Variants in SLC39A11 observed in about 807,000 individuals in gnomAD.
The protein encoded by SLC39A11 is solute carrier family 39 member 11, also known as zinc transporter ZIP11.
SLC39A11 carries 33 observed loss-of-function variants against 36.1 expected under a neutral mutation model. The observed-to-expected ratio is 0.91, with a 90% CI of 0.69 to 1.22. The LOEUF (loss-of-function observed/expected upper bound fraction) is 1.22. SLC39A11 is among the 50% of genes most tolerant of loss of function. The pLI is 0.00. For synonymous variants in SLC39A11, 166 were observed against 170.3 expected (o/e 0.97, Z 0.20); for missense variants, 432 against 430.3 (o/e 1.00, Z -0.03).
intron 7 of SLC39A11, among the ~76,000 whole-genome samples, chr17:72,680,512 CCA>C (rs1282539554): frequency 6.6e-6 from 1 of 152,166 alleles, no homozygotes; most frequent in Non-Finnish European, 1.5e-5. Flanking sequence ...GGCAGTTTCC[CCA>C]CACACACTCT....
chr17:72,856,372 A>G (rs1214462646), intron 5 of SLC39A11, among the ~76,000 whole-genome samples: 1 of 152,246 alleles, frequency 6.6e-6, no homozygotes, highest in Non-Finnish European at 1.5e-5. Flanking sequence ...CCTGCTGCCC[A>G]AATGAGGCCT....
chr17:73,018,371 A>G (rs1194796355), intron 4 of SLC39A11, among the ~76,000 whole-genome samples: 2 of 152,164 alleles, frequency 1.3e-5, no homozygotes, highest in Non-Finnish European at 2.9e-5. Flanking sequence ...CAACATGGAA[A>G]AACCCTATCT....
At chr17:72,984,061 C>G (rs2088531457) in intron 4 of SLC39A11, among the ~76,000 whole-genome samples, 1 of 152,140 alleles carries the variant, frequency 6.6e-6, no homozygotes, top group African/African-American at 2.4e-5. Context: ...TCAGGTTTCT[C>G]ATGGCTCAGA....
chr17:72,907,881 C>T (rs552736121), intron 5 of SLC39A11, among the ~76,000 whole-genome samples: 5 of 152,256 alleles, frequency 3.3e-5, no homozygotes, highest in South Asian at 2.1e-4. Flanking sequence ...CAAAGCGGGG[C>T]GTAGGGGAGA....
At position 72,972,002 on chromosome 17, in the gene SLC39A11, A is replaced by C. The variant is rs1264883146; in HGVS notation, c.307-24127T>G. Among the ~76,000 whole-genome samples the C allele has an allele frequency of 2.6e-5, 4 of 152,218 alleles. No homozygotes were observed. The East Asian group carries it at 7.7e-4, about 29-fold the overall frequency. ...ACACCTGGCATGTAATAAGCCCTCA[A>C]TTAATATGAACTGTGATCATCACCA... On this transcript the variant is annotated intron_variant, in intron 4 of 9. Coordinates refer to ENST00000255559, the MANE Select transcript of SLC39A11 (RefSeq NM_139177.4).
intron 4 of SLC39A11, among the ~76,000 whole-genome samples, chr17:72,948,285 C>A (rs2085577977): frequency 6.7e-6 from 1 of 148,882 alleles, no homozygotes; most frequent in African/African-American, 2.5e-5. Flanking sequence ...CATACCAAAC[C>A]CCACTGCAAG....
chr17:72,697,157 G>A (rs1040301083), intron 7 of SLC39A11, among the ~76,000 whole-genome samples: 2 of 152,078 alleles, frequency 1.3e-5, no homozygotes, highest in East Asian at 1.9e-4. Flanking sequence ...ATCACAGCTC[G>A]CTGCAACCTG....
intron 3 of SLC39A11, among the ~76,000 whole-genome samples, chr17:73,069,314 C>G (rs2060090659): frequency 6.6e-6 from 1 of 152,218 alleles, no homozygotes; most frequent in Non-Finnish European, 1.5e-5. Context: ...GCAAATGTGA[C>G]TTCTCTCCCC....
intron 5 of SLC39A11, among the ~76,000 whole-genome samples, chr17:72,919,680 AAAAAAG>A (rs2083538196): frequency 6.8e-6 from 1 of 146,200 alleles, no homozygotes; most frequent in Admixed American, 6.9e-5. Context: ...AAAAAAAAAA[AAAAAAG>A]AAAAAAAGAA....
intron 5 of SLC39A11, among the ~76,000 whole-genome samples, chr17:72,921,103 G>A (rs1001008533): frequency 6.6e-6 from 1 of 152,132 alleles, no homozygotes; most frequent in African/African-American, 2.4e-5. Context: ...AATGTGCAGT[G>A]CCTAGAATGT....
chr17:72,694,287 C>G (rs1055890932), intron 7 of SLC39A11, among the ~76,000 whole-genome samples: 1 of 152,202 alleles, frequency 6.6e-6, no homozygotes, highest in African/African-American at 2.4e-5. Context: ...AAATGAAAAC[C>G]AAAGATGGTG....
At chr17:72,899,441 T>G (rs2082204810) in intron 5 of SLC39A11, among the ~76,000 whole-genome samples, 1 of 152,132 alleles carries the variant, frequency 6.6e-6, no homozygotes, top group Non-Finnish European at 1.5e-5. Context: ...TCATCATCAT[T>G]TGAAGTGGGG....
chr17:72,897,065 AAAAAAAC>A (rs1199824866), intron 5 of SLC39A11, among the ~76,000 whole-genome samples: 135 of 150,798 alleles, frequency 9.0e-4, no homozygotes, highest in Non-Finnish European at 1.7e-3. Flanking sequence ...AAAAAAAAAA[AAAAAAAC>A]AAACAGAAAA....
At chr17:72,801,677 T>C (rs2077088695) in intron 6 of SLC39A11, among the ~76,000 whole-genome samples, 1 of 152,260 alleles carries the variant, frequency 6.6e-6, no homozygotes, top group African/African-American at 2.4e-5. Context: ...ATGTATATTG[T>C]CTTCAGGATG....
chr17:72,694,178 C>T (rs2072175563), intron 7 of SLC39A11, among the ~76,000 whole-genome samples: 1 of 151,898 alleles, frequency 6.6e-6, no homozygotes, highest in African/African-American at 2.4e-5. Flanking sequence ...CAGGGTGGCC[C>T]GAGCCCTCTC....
At chr17:72,902,989 G>T (rs180851555) in intron 5 of SLC39A11, among the ~76,000 whole-genome samples, 2 of 152,012 alleles carry the variant, frequency 1.3e-5, no homozygotes, top group South Asian at 2.1e-4. Flanking sequence ...GAAATAGGCC[G>T]GGCTCGGCGG....
intron 4 of SLC39A11, among the ~76,000 whole-genome samples, chr17:72,953,423 G>A (rs1053254487): frequency 6.6e-6 from 1 of 152,158 alleles, no homozygotes; most frequent in Non-Finnish European, 1.5e-5. Context: ...TCTGCAACTT[G>A]CCTTACATTA....
intron 7 of SLC39A11, among the ~76,000 whole-genome samples, chr17:72,706,905 C>T (rs562063199): frequency 6.6e-6 from 1 of 152,312 alleles, no homozygotes; most frequent in South Asian, 2.1e-4. Context: ...TTTGAAAGTT[C>T]TCCACTTGAT....
intron 7 of SLC39A11, among the ~76,000 whole-genome samples, chr17:72,680,921 A>G (rs527881560): frequency 6.6e-6 from 1 of 152,248 alleles, no homozygotes; most frequent in South Asian, 2.1e-4. Flanking sequence ...TGCTGTGAAC[A>G]GTGGTGTACA....
Sources: gnomAD v4.1 joint callset for allele counts (sites outside exome capture counted in the v4.1 genomes callset) on GRCh38, gnomAD v4.1.1 for gene constraint, MANE v1.5 for transcripts, NCBI Gene and HGNC (gene_info 2026-07-23, HGNC 2026-07-21) for gene names.